CCN1: variants seen among roughly 807,000 people sequenced by gnomAD.
The protein encoded by CCN1 is cellular communication network factor 1, also known as CCN family member 1.
CCN1 carries 12 observed loss-of-function variants against 38.1 expected under a neutral mutation model. The ratio of observed to expected loss-of-function variants is 0.31; its 90% CI spans 0.20 to 0.51. The LOEUF is 0.51. Among genes scored for constraint, CCN1 ranks in the 20% least tolerant of loss-of-function variants. CCN1 has a pLI of 0.97. For synonymous variants in CCN1, 202 were observed against 196.1 expected, an observed-to-expected ratio of 1.03 and a Z score of -0.25; for missense variants, 466 against 490.9, an observed-to-expected ratio of 0.95 and a Z score of 0.48.
In CCN1 at chr1:85,581,034, A is replaced by C. The variant is rs1440355519; in HGVS notation, c.50A>C (p.His17Pro). Residue 17 changes from histidine (H) to proline (P), a missense_variant, in exon 1 of 5, where the codon CAC (histidine) becomes CCC (proline). By Grantham distance (77) the His-to-Pro change is moderately conservative. Transcript: ENST00000451137. ...RALALVVTLL[H>P]LTRLALSTCP... The stretch of plus-strand genomic sequence containing the variant: ...CTCGCCTTAGTCGTCACCCTTCTCC[A>C]CTTGACCAGGCTGGTGAGTTGGACT... 1.2e-6 allele frequency: 2 copies of C among 1,610,374 alleles called. No individual in the cohort carries two copies. Among genetic ancestry groups the C allele is most frequent in the Non-Finnish European group, 1.7e-6 (2 of 1,178,734 alleles).
At chr1:85,582,708 C>A in intron 4 of CCN1, 32 bp from the exon 5 acceptor site, 1 of 1,612,164 alleles carries the variant, frequency 6.2e-7, no homozygotes, top group Non-Finnish European at 8.5e-7. Flanking sequence ...GAAATATCAC[C>A]CCTAACTTTC....
chr1:85,581,782 T>C (rs1400524818), intron 2 of CCN1, 146 bp from the exon 3 acceptor site: 7 of 1,106,994 alleles, frequency 6.3e-6, no homozygotes, highest in Non-Finnish European at 8.1e-6. Flanking sequence ...GACTAACTTA[T>C]TGTTCTGGTC....
Position 85,581,598 on chromosome 1 carries a change from G to A in CCN1, c.277+20G>A. On this transcript the variant is annotated intron_variant, in intron 2 of 4. Transcript: ENST00000451137. ...GCAGAGGTAAGATGCTTGTGGTTTG[G>A]CCCCTTTAAAAAAAATACTAGTCCC... The A allele has an allele frequency of 6.2e-7, 1 of 1,606,412 alleles. No homozygotes were observed. The highest frequency in any genetic ancestry group is 8.5e-7 in the Non-Finnish European group (1 of 1,175,024).
At chr1:85,581,620 T>C (rs1659793860) in intron 2 of CCN1, 42 bp downstream of exon 2, 1 of 1,583,618 alleles carries the variant, frequency 6.3e-7, no homozygotes, top group African/African-American at 1.4e-5. Flanking sequence ...AAAATACTAG[T>C]CCCCATAGTC....
In CCN1 at chr1:85,580,812, T is replaced by A. The variant is rs1384480141; in HGVS notation, c.-173T>A. 2 of 497,148 alleles carry A rather than the reference T, an allele frequency of 4.0e-6. No homozygotes were observed. The highest frequency in any genetic ancestry group is 6.3e-6 in the Non-Finnish European group (2 of 315,310). The allele number at this position is 497,148 out of a possible 1,614,324, so 30.8% of individuals were successfully genotyped here. A position where few individuals can be genotyped will look rare whatever the true frequency, so the allele number is the denominator to read the frequency against. On this transcript the variant is annotated 5_prime_UTR_variant, in exon 1 of 5. Transcript: ENST00000451137. ...CAGCGCCCGCGCCCTCCGCGCCTTC[T>A]CCGCCGGGACCTCGAGCGAAAGACG...
intron 2 of CCN1, 172 bp downstream of exon 2, chr1:85,581,750 C>A (rs1297994550): frequency 3.6e-6 from 4 of 1,100,486 alleles, no homozygotes; most frequent in East Asian, 4.7e-5. Flanking sequence ...CCAACGAAAG[C>A]GCATACGGAA....
At chr1:85,582,334 T>G (rs1347954298) in intron 3 of CCN1, 50 bp downstream of exon 3, 3 of 1,613,084 alleles carry the variant, frequency 1.9e-6, no homozygotes, top group African/African-American at 2.7e-5. Flanking sequence ...GCATTTCTGG[T>G]CTAAATCTTT....
chr1:85,581,266 C>G (rs552702347), intron 1 of CCN1, 99 bp from the exon 2 acceptor site: 141 of 1,318,070 alleles, frequency 1.1e-4, no homozygotes, highest in Non-Finnish European at 1.4e-4. Context: ...AGAGGCTCCC[C>G]GTCGATAGGG....
chr1:85,580,918 C>T lies in CCN1; in HGVS notation c.-67C>T, dbSNP rs1659758244. On this transcript the variant is annotated 5_prime_UTR_variant, in exon 1 of 5. Coordinates refer to ENST00000451137, the MANE Select transcript of CCN1 (RefSeq NM_001554.5). The stretch of plus-strand genomic sequence containing the variant: ...CCCGACCCCGCTGCGCACGGCCTGT[C>T]CGCTGCACACCAGCTTGTTGGCGTC... 5 of 1,454,004 alleles carry T rather than the reference C, an allele frequency of 3.4e-6. No homozygotes were observed. In the East Asian group the frequency reaches 1.1e-4, roughly 33 times the overall value. The allele number at this position is 1,454,004 out of a possible 1,614,324, so 90.1% of individuals were successfully genotyped here.
In CCN1 at chr1:85,583,068, C is replaced by A; in HGVS notation, c.*26C>A. ...ATGCTACCTGGGTTTCCAGGGCACA[C>A]CTAGACAAACAAGGGAGAAGAGTGT... On this transcript the variant is annotated 3_prime_UTR_variant, in exon 5 of 5. Coordinates refer to ENST00000451137, the MANE Select transcript of CCN1 (RefSeq NM_001554.5). 3 of 1,592,568 alleles carry A rather than the reference C, an allele frequency of 1.9e-6. No homozygotes were observed. The highest frequency in any genetic ancestry group is 1.7e-6 in the Non-Finnish European group (2 of 1,164,814).
rs1659755070 is a variant in CCN1, at chr1:85,580,830, G to C, written c.-155G>C. On this transcript the variant is annotated 5_prime_UTR_variant, in exon 1 of 5. Coordinates refer to ENST00000451137, the MANE Select transcript of CCN1 (RefSeq NM_001554.5). ...CGCCTTCTCCGCCGGGACCTCGAGCGAAAGACGCCCGCCCGCCGCCCAGCC... is the reference window on the plus strand; with the variant it reads ...CGCCTTCTCCGCCGGGACCTCGAGCCAAAGACGCCCGCCCGCCGCCCAGCC... 1.6e-6 allele frequency: 1 copy of C among 607,602 alleles called. No homozygotes were observed. Among genetic ancestry groups the C allele is most frequent in the African/African-American group, 1.9e-5 (1 of 51,576 alleles). The allele number at this position is 607,602 out of a possible 1,614,324, so 37.6% of individuals were successfully genotyped here.
In CCN1 at chr1:85,582,563, T is replaced by G. The variant is rs1324195034; in HGVS notation, c.782T>G (p.Val261Gly). 1 of 1,614,156 alleles carries G rather than the reference T, an allele frequency of 6.2e-7. No homozygotes were observed. The highest frequency in any genetic ancestry group is 1.7e-5 in the Admixed American group (1 of 60,020). ...AATGACAACCCTGAGTGCCGCCTTG[T>G]GAAAGAAACCCGGATTTGTGAGGTG... ...VTNDNPECRL[V>G]KETRICEVRP... Residue 261 changes from valine (V) to glycine (G), a missense_variant, in exon 4 of 5, where the codon GTG (valine) becomes GGG (glycine). Val to Gly is a moderately radical substitution (Grantham distance 109, BLOSUM62 -3). Around this residue, in one of 3 missense-constraint regions of CCN1, gnomAD observed 309 missense variants for 319.9 expected, o/e 0.97. Coordinates refer to ENST00000451137, the MANE Select transcript of CCN1 (RefSeq NM_001554.5).
rs9658588 is a variant in CCN1 at position 85,582,976 on chromosome 1, G to T, written c.1080G>T (p.Pro360=). The change falls in exon 5 of 5, where the codon CCG becomes CCT. Residue 360 remains proline, a synonymous_variant. Transcript: ENST00000451137. Reference sequence around the variant, plus strand: ...CCTGCAAATGCAACTACAACTGCCCGCATGCCAATGAAGCAGCGTTTCCCT... The same window carrying T: ...CCTGCAAATGCAACTACAACTGCCCTCATGCCAATGAAGCAGCGTTTCCCT... ...IQSCKCNYNC[P]HANEAAFPFY... 3.7e-6 allele frequency: 6 copies of T among 1,614,008 alleles called. No individual in the cohort carries two copies. The East Asian group carries it at 1.1e-4, about 30-fold the overall frequency.
Position 85,582,214 on chromosome 1 carries a change from C to T in CCN1, c.564C>T (p.Ser188=), listed in dbSNP as rs770739697. ...GCAAGGAGCTGGGATTCGATGCCTC[C>T]GAGGTGGAGTTGACGAGAAACAATG... ...LLGKELGFDA[S]EVELTRNNEL... The change falls in exon 3 of 5, where the codon TCC becomes TCT. Residue 188 remains serine, a synonymous_variant. Transcript: ENST00000451137. The T allele has an allele frequency of 2.5e-6, 4 of 1,613,992 alleles. No individual in the cohort carries two copies. The highest frequency in any genetic ancestry group is 2.7e-5 in the African/African-American group (2 of 74,890).
chr1:85,581,291 C>A (rs1345715601), intron 1 of CCN1, 74 bp from the exon 2 acceptor site: 1 of 1,424,260 alleles, frequency 7.0e-7, no homozygotes. Context: ...AGACCCCCGT[C>A]CCTCACTGCG....
Position 85,580,955 on chromosome 1 carries a change from G to C in CCN1, c.-30G>C. The C allele has an allele frequency of 6.5e-7, 1 of 1,549,902 alleles. No individual in the cohort carries two copies. Among genetic ancestry groups the C allele is most frequent in the Non-Finnish European group, 8.7e-7 (1 of 1,153,700 alleles). ...AGCTTGTTGGCGTCTTCGTCGCCGC[G>C]CTCGCCCCGGGCTACTCCTGCGCGC... On this transcript the variant is annotated 5_prime_UTR_variant, in exon 1 of 5. Coordinates refer to ENST00000451137, the MANE Select transcript of CCN1 (RefSeq NM_001554.5).
rs140020167 is a variant in CCN1 at position 85,582,796 on chromosome 1, C to T, written c.900C>T (p.Tyr300=). The change falls in exon 5 of 5, where the codon TAC becomes TAT. Residue 300 remains tyrosine, a synonymous_variant. Coordinates refer to ENST00000451137, the MANE Select transcript of CCN1 (RefSeq NM_001554.5). ...CCCCCGAACCAGTCAGGTTTACTTACGCTGGATGTTTGAGTGTGAAGAAAT... is the reference window on the plus strand; with the variant it reads ...CCCCCGAACCAGTCAGGTTTACTTATGCTGGATGTTTGAGTGTGAAGAAAT... ...KKSPEPVRFT[Y]AGCLSVKKYR... 5.5e-4 allele frequency: 893 copies of T among 1,614,182 alleles called. 11 individuals are homozygous for T. The South Asian group carries it at 6.6e-3, about 12-fold the overall frequency.
chr1:85,580,847 C>T lies in CCN1; in HGVS notation c.-138C>T, dbSNP rs544906165. 5.5e-6 allele frequency: 4 copies of T among 722,910 alleles called. No homozygotes were observed. In the Admixed American group the frequency reaches 1.3e-4, roughly 24 times the overall value. The allele number at this position is 722,910 out of a possible 1,614,324, so 44.8% of individuals were successfully genotyped here. On this transcript the variant is annotated 5_prime_UTR_variant, in exon 1 of 5. Transcript: ENST00000451137. Reference sequence around the variant, plus strand: ...CCTCGAGCGAAAGACGCCCGCCCGCCGCCCAGCCCTCGCCTCCCTGCCCAC... The same window carrying T: ...CCTCGAGCGAAAGACGCCCGCCCGCTGCCCAGCCCTCGCCTCCCTGCCCAC...
At position 85,580,800 on chromosome 1, in the gene CCN1, C is replaced by G; in HGVS notation, c.-185C>G. The G allele has an allele frequency of 2.2e-6, 1 of 454,102 alleles. No individual in the cohort carries two copies. Among genetic ancestry groups the G allele is most frequent in the Non-Finnish European group, 3.6e-6 (1 of 277,284 alleles). The allele number at this position is 454,102 out of a possible 1,614,324, so 28.1% of individuals were successfully genotyped here. A position where few individuals can be genotyped will look rare whatever the true frequency, so the allele number is the denominator to read the frequency against. ...AGCGCCCCCGAGCAGCGCCCGCGCC[C>G]TCCGCGCCTTCTCCGCCGGGACCTC... On this transcript the variant is annotated 5_prime_UTR_variant, in exon 1 of 5. Coordinates refer to ENST00000451137, the MANE Select transcript of CCN1 (RefSeq NM_001554.5).
Sources: gnomAD v4.1 joint callset for allele counts on GRCh38, gnomAD v4.1.1 for gene constraint, gnomAD v4.1.1 regional missense constraint, MANE v1.5 for transcripts, NCBI Gene and HGNC (gene_info 2026-07-23, HGNC 2026-07-21) for gene names.